ZNF490: variants seen among roughly 807,000 people sequenced by gnomAD.
The protein encoded by ZNF490 is zinc finger protein 490.
A neutral mutation model predicts 17.7 loss-of-function variants in ZNF490; 11 were observed. The observed-to-expected ratio is 0.62, with a 90% CI of 0.39 to 1.03. ZNF490 has a LOEUF of 1.03. ZNF490 is among the 50% of genes least tolerant of loss of function. The pLI, the probability that ZNF490 is intolerant of heterozygous loss-of-function variation, is 0.00. For missense variants in ZNF490, 542 were observed against 643.4 expected (o/e 0.84, Z 1.71); for synonymous variants, 222 against 216.1 (o/e 1.03, Z -0.24).
At chr19:12,595,468 A>T (rs1182763548) in intron 2 of ZNF490, among the ~76,000 whole-genome samples, 1 of 151,708 alleles carries the variant, frequency 6.6e-6, no homozygotes, top group Non-Finnish European at 1.5e-5. Context: ...TTAGGTCAAA[A>T]CCTAGAAAAA....
intron 2 of ZNF490, among the ~76,000 whole-genome samples, chr19:12,598,190 C>T (rs1007542883): frequency 1.1e-4 from 16 of 151,706 alleles, no homozygotes; most frequent in Non-Finnish European, 2.4e-4. Context: ...CGCCACTGCA[C>T]TCCAGCCTGG....
chr19:12,589,485 G>T (rs551777975), intron 2 of ZNF490, among the ~76,000 whole-genome samples: 1 of 151,728 alleles, frequency 6.6e-6, no homozygotes, highest in East Asian at 1.9e-4. Context: ...TATGACGAAA[G>T]GGGGAAAATG....
At chr19:12,607,406 C>A (rs528395177) in intron 2 of ZNF490, among the ~76,000 whole-genome samples, 135 of 152,000 alleles carry the variant, frequency 8.9e-4, no homozygotes, top group African/African-American at 2.7e-3. Flanking sequence ...CACACCTAGT[C>A]CTAGTTCCAG....
chr19:12,579,325 T>G lies in ZNF490; in HGVS notation c.*1160A>C, dbSNP rs1239560916. ...CAGCACTTTGGGAGGCCAAGGCAGG[T>G]GGATTACCTGAGGTCAGGAGTTCAA... On this transcript the variant is annotated 3_prime_UTR_variant, in exon 5 of 5. Coordinates refer to ENST00000311437, the MANE Select transcript of ZNF490 (RefSeq NM_020714.3). The G allele has an allele frequency of 1.4e-5, 2 of 146,608 alleles. No homozygotes were observed. The highest frequency in any genetic ancestry group is 3.0e-5 in the Non-Finnish European group (2 of 66,800). 9.1% of individuals were successfully genotyped at this position (146,608 alleles called of 1,614,324 possible). A position where few individuals can be genotyped will look rare whatever the true frequency, so the allele number is the denominator to read the frequency against.
chr19:12,601,801 G>A (rs1312934816), intron 2 of ZNF490, among the ~76,000 whole-genome samples: 1 of 151,674 alleles, frequency 6.6e-6, no homozygotes, highest in Non-Finnish European at 1.5e-5. Context: ...GACCATCCTG[G>A]CTAACATGGT....
At position 12,581,446 on chromosome 19, in the gene ZNF490, C is replaced by T. The variant is rs551437899; in HGVS notation, c.629G>A (p.Arg210Gln). 24 of 1,614,196 alleles carry T rather than the reference C, an allele frequency of 1.5e-5. No individual in the cohort carries two copies. The highest frequency in any genetic ancestry group is 5.0e-5 in the Admixed American group (3 of 60,008). ...GKTFTRSSSI[R>Q]THERIHTGEK... ...TCCAGTGTGAATTCTTTCATGGGTT[C>T]GAATACTGGAGCTGCGAGTGAAGGT... Residue 210 changes from arginine to glutamine, a missense_variant, in exon 5 of 5, where the codon CGA becomes CAA. Physicochemically the swap from Arg to Gln is conservative, Grantham distance 43. Transcript: ENST00000311437.
chr19:12,597,223 A>T, intron 2 of ZNF490: 1 of 457,680 alleles, frequency 2.2e-6, no homozygotes. Flanking sequence ...AGTGAGACAA[A>T]GCATACGCAG....
intron 2 of ZNF490, among the ~76,000 whole-genome samples, chr19:12,590,444 T>A (rs1163839820): frequency 1.3e-5 from 2 of 149,954 alleles, no homozygotes; most frequent in East Asian, 4.0e-4. Flanking sequence ...CCTGAACTCT[T>A]GACCTCAATG....
At chr19:12,607,838 G>A (rs2023089116) in intron 2 of ZNF490, among the ~76,000 whole-genome samples, 2 of 152,138 alleles carry the variant, frequency 1.3e-5, no homozygotes, top group Admixed American at 1.3e-4. Flanking sequence ...CCCATTTCGG[G>A]TTTTGGTAGA....
chr19:12,589,187 A>C (rs1409556514), intron 2 of ZNF490, among the ~76,000 whole-genome samples: 3 of 151,798 alleles, frequency 2.0e-5, no homozygotes, highest in Non-Finnish European at 2.9e-5. Flanking sequence ...ATACTCTCTC[A>C]TGTACTCTAA....
At position 12,577,678 on chromosome 19, in the gene ZNF490, A is replaced by G; in HGVS notation, c.*2807T>C. 1.0e-6 allele frequency: 1 copy of G among 985,380 alleles called. No homozygotes were observed. The highest frequency in any genetic ancestry group is 1.2e-6 in the Non-Finnish European group (1 of 829,976). The allele number at this position is 985,380 out of a possible 1,614,324, so 61.0% of individuals were successfully genotyped here. A position where few individuals can be genotyped will look rare whatever the true frequency, so the allele number is the denominator to read the frequency against. On this transcript the variant is annotated 3_prime_UTR_variant, in exon 5 of 5. Transcript: ENST00000311437. ...TCGGCCTCTGGACCCTAGTATCTTC[A>G]CCGTGGTTTTGGATGCTGCCACCTG...
Position 12,578,583 on chromosome 19 carries a change from G to A in ZNF490, c.*1902C>T. The A allele has an allele frequency of 5.1e-6, 5 of 985,468 alleles. No individual in the cohort carries two copies. Among genetic ancestry groups the A allele is most frequent in the Non-Finnish European group, 6.0e-6 (5 of 829,952 alleles). 61.0% of individuals were successfully genotyped at this position (985,468 alleles called of 1,614,324 possible). On this transcript the variant is annotated 3_prime_UTR_variant, in exon 5 of 5. Transcript: ENST00000311437. ...CCTGGAATAATGCAATGCTGACAAT[G>A]TCTGTGAATTAGGATGTGCATAGGC...
At chr19:12,582,551 C>T (rs1017333799) in intron 4 of ZNF490, among the ~76,000 whole-genome samples, 10 of 151,958 alleles carry the variant, frequency 6.6e-5, no homozygotes, top group Admixed American at 1.3e-4. Flanking sequence ...CACGCCACCA[C>T]GCCCGGCTAA....
In ZNF490 at chr19:12,610,709, G is replaced by A. The variant is rs1568284653; in HGVS notation, c.-29C>T. 1 of 1,603,062 alleles carries A rather than the reference G, an allele frequency of 6.2e-7. No individual in the cohort carries two copies. Among genetic ancestry groups the A allele is most frequent in the South Asian group, 1.1e-5 (1 of 90,890 alleles). On this transcript the variant is annotated 5_prime_UTR_variant, in exon 1 of 5. Transcript: ENST00000311437. ...TGTCCCCGCATCCAGAAACACTGCA[G>A]GAAGACTTCCGTGTCCGACCCGAGA...
In ZNF490 at chr19:12,609,086, T is replaced by C. The variant is rs1020273707; in HGVS notation, c.162+72A>G. The C allele has an allele frequency of 2.0e-6, 3 of 1,494,482 alleles. No homozygotes were observed. The African/African-American group carries it at 4.1e-5, about 21-fold the overall frequency. 92.6% of individuals were successfully genotyped at this position (1,494,482 alleles called of 1,614,324 possible). On this transcript the variant is annotated intron_variant, in intron 2 of 4. Transcript: ENST00000311437. ...GAAAGACCCCCCCACAAAGAGGTCA[T>C]AGAAGGACAGACCCAAATGGTCATT...
intron 4 of ZNF490, among the ~76,000 whole-genome samples, chr19:12,582,241 C>T (rs1340875530): frequency 1.4e-5 from 2 of 143,424 alleles, no homozygotes; most frequent in African/African-American, 5.1e-5. Context: ...TCTTCTCACA[C>T]CCTGAACATC....
At chr19:12,601,106 A>AG (rs1330986213) in intron 2 of ZNF490, among the ~76,000 whole-genome samples, 4 of 151,730 alleles carry the variant, frequency 2.6e-5, no homozygotes, top group African/African-American at 9.7e-5. Context: ...GAAAAAAAAA[A>AG]GGCCAGGTGC....
In ZNF490 at chr19:12,610,784, C is replaced by G; in HGVS notation, c.-104G>C. The G allele has an allele frequency of 8.3e-7, 1 of 1,200,540 alleles. No individual in the cohort carries two copies. The highest frequency in any genetic ancestry group is 1.2e-6 in the Non-Finnish European group (1 of 821,066). The allele number at this position is 1,200,540 out of a possible 1,614,324, so 74.4% of individuals were successfully genotyped here. ...CAATTGTCCACGGAGGGCACCAGTT[C>G]CGTCCCACCGGCGGAAGCGAGATCT... On this transcript the variant is annotated 5_prime_UTR_variant, in exon 1 of 5. Coordinates refer to ENST00000311437, the MANE Select transcript of ZNF490 (RefSeq NM_020714.3).
intron 2 of ZNF490, among the ~76,000 whole-genome samples, chr19:12,603,617 C>T (rs993628505): frequency 5.9e-5 from 9 of 151,970 alleles, no homozygotes; most frequent in African/African-American, 2.2e-4. Context: ...ATGGCGAAAA[C>T]CCATCTCTAC....
Sources: gnomAD v4.1 joint callset for allele counts (sites outside exome capture counted in the v4.1 genomes callset) on GRCh38, gnomAD v4.1.1 for gene constraint, MANE v1.5 for transcripts, NCBI Gene and HGNC (gene_info 2026-07-23, HGNC 2026-07-21) for gene names.